Variants in SENP7 observed in about 807,000 individuals in gnomAD.
The protein encoded by SENP7 is sentrin-specific protease 7.
SENP7 carries 64 observed loss-of-function variants against 141.2 expected under a neutral mutation model. The ratio of observed to expected loss-of-function variants is 0.45; its 90% CI spans 0.37 to 0.56. The LOEUF is 0.56. SENP7 is among the 20% of genes least tolerant of loss of function. The probability of loss-of-function intolerance (pLI) is 0.00; values close to 1 mark genes in which losing one functional copy is unlikely to be tolerated. For synonymous variants in SENP7, 382 were observed against 426.4 expected (o/e 0.90, Z 1.28); for missense variants, 1,025 against 1,212.2 (o/e 0.85, Z 2.29).
chr3:101,378,675 T>C (rs907069970), intron 6 of SENP7, among the ~76,000 whole-genome samples: 1 of 151,990 alleles, frequency 6.6e-6, no homozygotes, highest in African/African-American at 2.4e-5. Context: ...CAAATTAATG[T>C]CAGACACCAA....
intron 22 of SENP7, among the ~76,000 whole-genome samples, chr3:101,328,071 TAAGA>T (rs1290302237): frequency 6.6e-5 from 10 of 152,146 alleles, no homozygotes; most frequent in African/African-American, 2.4e-4. Flanking sequence ...CAAAGTAAAC[TAAGA>T]AATCATTTTA....
At chr3:101,394,697 C>A (rs1456197260) in intron 6 of SENP7, among the ~76,000 whole-genome samples, 1 of 151,396 alleles carries the variant, frequency 6.6e-6, no homozygotes, top group East Asian at 1.9e-4. Context: ...TTTTTTTAAT[C>A]TATTTTAGTT....
At chr3:101,437,459 T>C (rs1001030395) in intron 4 of SENP7, among the ~76,000 whole-genome samples, 1 of 152,212 alleles carries the variant, frequency 6.6e-6, no homozygotes, top group African/African-American at 2.4e-5. Context: ...TGCATGCCTA[T>C]ATATCAAAAC....
In SENP7 at chr3:101,466,789, T is replaced by C. The variant is rs375126045; in HGVS notation, c.187-7737A>G. On this transcript the variant is annotated intron_variant, in intron 3 of 23. Transcript: ENST00000394095. ...ATTGACGCAGAAGATGGGTGATTTCTGCATTTCCAACTTCGGTACCTGGTT... is the reference window on the plus strand; with the variant it reads ...ATTGACGCAGAAGATGGGTGATTTCCGCATTTCCAACTTCGGTACCTGGTT... 9.8e-5 allele frequency among the ~76,000 whole-genome samples: 15 copies of C among 152,302 alleles called. No individual in the cohort carries two copies. In the East Asian group the frequency reaches 2.3e-3, roughly 24 times the overall value.
At chr3:101,457,806 T>A (rs890653607) in intron 4 of SENP7, 6 of 600,730 alleles carry the variant, frequency 1.0e-5, no homozygotes, top group Non-Finnish European at 1.8e-5. Context: ...CAGCTGAGAT[T>A]AGGCGCACAC....
chr3:101,449,365 A>G (rs2063028216), intron 4 of SENP7, among the ~76,000 whole-genome samples: 1 of 152,184 alleles, frequency 6.6e-6, no homozygotes. Context: ...CAGGAAATAC[A>G]GAGAACGCCA....
intron 10 of SENP7, among the ~76,000 whole-genome samples, chr3:101,362,272 G>C (rs1397023149): frequency 1.3e-5 from 2 of 152,028 alleles, no homozygotes; most frequent in Non-Finnish European, 2.9e-5. Flanking sequence ...CACCCTATAG[G>C]CAGGTTTTTC....
At chr3:101,410,845 A>AAAAAT (rs139753697) in intron 5 of SENP7, among the ~76,000 whole-genome samples, 7,178 of 126,144 alleles carry the variant, frequency 0.057, 299 homozygotes, top group Middle Eastern at 0.091. Flanking sequence ...ATTCTGTCTC[A>AAAAAT]AAAATAAAAT....
At chr3:101,441,142 T>C (rs1465580605) in intron 4 of SENP7, among the ~76,000 whole-genome samples, 1 of 152,160 alleles carries the variant, frequency 6.6e-6, no homozygotes, top group Non-Finnish European at 1.5e-5. Flanking sequence ...AACACTTCAT[T>C]TGCTGCCACC....
intron 6 of SENP7, among the ~76,000 whole-genome samples, chr3:101,375,799 T>G (rs2060311826): frequency 6.6e-6 from 1 of 152,194 alleles, no homozygotes; most frequent in Admixed American, 6.5e-5. Flanking sequence ...TAAAAAGGAA[T>G]GAACTTGTGA....
intron 3 of SENP7, among the ~76,000 whole-genome samples, chr3:101,484,004 G>A (rs1427489901): frequency 1.3e-5 from 2 of 151,998 alleles, no homozygotes; most frequent in East Asian, 1.9e-4. Context: ...TCCAGCCTGG[G>A]CAACAGAGCA....
intron 4 of SENP7, among the ~76,000 whole-genome samples, chr3:101,448,704 T>C (rs1452089881): frequency 1.3e-5 from 2 of 152,150 alleles, no homozygotes; most frequent in African/African-American, 2.4e-5. Flanking sequence ...AGAAAGGACA[T>C]CCACACCAAA....
chr3:101,378,851 A>T (rs1434926949), intron 6 of SENP7, among the ~76,000 whole-genome samples: 1 of 152,218 alleles, frequency 6.6e-6, no homozygotes, highest in Non-Finnish European at 1.5e-5. Flanking sequence ...CAAGAATTGT[A>T]TCTCATTTCT....
intron 4 of SENP7, among the ~76,000 whole-genome samples, chr3:101,431,877 A>C (rs1422777127): frequency 6.6e-6 from 1 of 151,678 alleles, no homozygotes; most frequent in Non-Finnish European, 1.5e-5. Context: ...CTAAAGAAGC[A>C]GTTTTTGAAA....
rs527487677 is a variant in SENP7, at chr3:101,513,004, C to G, written c.40+87G>C. 70 of 1,477,560 alleles carry G rather than the reference C, an allele frequency of 4.7e-5. No individual in the cohort carries two copies. In the Middle Eastern group the frequency reaches 5.6e-4, roughly 12 times the overall value. 91.5% of individuals were successfully genotyped at this position (1,477,560 alleles called of 1,614,324 possible). The stretch of plus-strand genomic sequence containing the variant: ...GCCCCCGCCCTCGCCCCCGCGGCTT[C>G]GGGCCGCAACCCCAGCTGCCGCCTG... On this transcript the variant is annotated intron_variant, in intron 1 of 23. Coordinates refer to ENST00000394095, the MANE Select transcript of SENP7 (RefSeq NM_020654.5).
At chr3:101,438,258 AG>A (rs2062466417) in intron 4 of SENP7, among the ~76,000 whole-genome samples, 1 of 152,256 alleles carries the variant, frequency 6.6e-6, no homozygotes, top group African/African-American at 2.4e-5. Context: ...ACCTTTCAAA[AG>A]GAAGAAAATC....
At chr3:101,474,088 C>A (rs1198285362) in intron 3 of SENP7, among the ~76,000 whole-genome samples, 1 of 152,102 alleles carries the variant, frequency 6.6e-6, no homozygotes, top group Non-Finnish European at 1.5e-5. Context: ...TTCCATTGGT[C>A]AGTGTGCCTG....
chr3:101,352,878 T>C (rs929717987), intron 11 of SENP7, among the ~76,000 whole-genome samples: 1 of 151,990 alleles, frequency 6.6e-6, no homozygotes, highest in Non-Finnish European at 1.5e-5. Flanking sequence ...TAAAACCCTA[T>C]ATTCCATAGA....
At chr3:101,357,281 G>A (rs569032538) in intron 11 of SENP7, 15 of 547,150 alleles carry the variant, frequency 2.7e-5, no homozygotes, top group Admixed American at 7.2e-5. Context: ...GATTACAGGC[G>A]TGAGCCACCG....
Sources: allele counts gnomAD v4.1 joint callset (sites outside exome capture counted in the v4.1 genomes callset), GRCh38; gene constraint gnomAD v4.1.1; transcripts MANE v1.5; gene names NCBI Gene and HGNC (gene_info 2026-07-23, HGNC 2026-07-21).